TMEM59: variants seen among roughly 807,000 people sequenced by gnomAD.
The protein encoded by TMEM59 is transmembrane protein 59.
A neutral mutation model predicts 42.2 loss-of-function variants in TMEM59; 44 were observed. The observed-to-expected ratio is 1.04, with a 90% confidence interval of 0.82 to 1.34. TMEM59 has a LOEUF of 1.34. Among genes scored for constraint, TMEM59 ranks in the 40% most tolerant of loss-of-function variants. The pLI, the probability that TMEM59 is intolerant of heterozygous loss-of-function variation, is 0.00. For synonymous variants in TMEM59, 148 were observed against 145.8 expected (o/e 1.02, Z -0.11); for missense variants, 359 against 382.8 (o/e 0.94, Z 0.52).
chr1:54,041,758 T>G lies in TMEM59; in HGVS notation c.591A>C (p.Thr197=). 1 of 1,613,832 alleles carries G rather than the reference T, an allele frequency of 6.2e-7. No individual in the cohort carries two copies. The highest frequency in any genetic ancestry group is 1.1e-5 in the South Asian group (1 of 91,052). ...QYAPHLEQEP[T]NLRESSLSKM... ...TGCTTAGAGATGATTCTCTCAAATT[T>G]GTAGGCTCCTGCTCCAAATGTGGTG... Residue 197 remains threonine, a synonymous_variant, in exon 5 of 8, where the codon ACA becomes ACC. Coordinates refer to ENST00000234831, the MANE Select transcript of TMEM59 (RefSeq NM_004872.5).
chr1:54,030,738 A>ACC lies in TMEM59; in HGVS notation c.*1411_*1412insGG, dbSNP rs1656741446. On this transcript the variant is annotated 3_prime_UTR_variant, in exon 8 of 8. Coordinates refer to ENST00000234831, the MANE Select transcript of TMEM59 (RefSeq NM_004872.5). ...TCCAAATCTAGACAAACTAAAAATA[A>ACC]AAACCTACACTTTGTGACCAAAGTC... 6.6e-6 allele frequency: 1 copy of ACC among 152,192 alleles called. No individual in the cohort carries two copies. Among genetic ancestry groups the ACC allele is most frequent in the Non-Finnish European group, 1.5e-5 (1 of 68,028 alleles). 9.4% of individuals were successfully genotyped at this position (152,192 alleles called of 1,614,324 possible).
Position 54,031,282 on chromosome 1 carries a change from T to G in TMEM59, c.*868A>C, listed in dbSNP as rs1656759411. On this transcript the variant is annotated 3_prime_UTR_variant, in exon 8 of 8. Coordinates refer to ENST00000234831, the MANE Select transcript of TMEM59 (RefSeq NM_004872.5). ...ATTCTGGTGTATTATTATTATGACC[T>G]GATATCATTCTAATATTAAGCTCTG... is the stretch of plus-strand genomic sequence containing the variant. 6.6e-6 allele frequency: 1 copy of G among 152,214 alleles called. No homozygotes were observed. The highest frequency in any genetic ancestry group is 6.5e-5 in the Admixed American group (1 of 15,282). 9.4% of individuals were successfully genotyped at this position (152,214 alleles called of 1,614,324 possible).
chr1:54,047,007 T>C (rs1011471290), intron 2 of TMEM59, among the ~76,000 whole-genome samples: 6 of 152,210 alleles, frequency 3.9e-5, no homozygotes, highest in Non-Finnish European at 7.3e-5. Context: ...TATACTGCAT[T>C]TGTCTGACAG....
intron 1 of TMEM59, among the ~76,000 whole-genome samples, chr1:54,051,154 C>T (rs972313422): frequency 6.6e-6 from 1 of 152,148 alleles, no homozygotes; most frequent in African/African-American, 2.4e-5. Context: ...CGCACCCGGC[C>T]GAATATGTTT....
intron 1 of TMEM59, chr1:54,047,787 C>T (rs566712291): frequency 5.0e-6 from 1 of 201,360 alleles, no homozygotes; most frequent in Non-Finnish European, 9.9e-6. Flanking sequence ...ATAGCGAGAC[C>T]CCATCTGTAC....
chr1:54,028,936 G>C lies in TMEM59; in HGVS notation c.*3214C>G, dbSNP rs1048724506. On this transcript the variant is annotated 3_prime_UTR_variant, in exon 8 of 8. Transcript: ENST00000234831. ...CAGAACTGAGCAAAATTACTGCCTT[G>C]GTGTGGTGGTGACAGTAACTGGAAA... 1 of 152,046 alleles carries C rather than the reference G, an allele frequency of 6.6e-6. No homozygotes were observed. Among genetic ancestry groups the C allele is most frequent in the African/African-American group, 2.4e-5 (1 of 41,362 alleles). 9.4% of individuals were successfully genotyped at this position (152,046 alleles called of 1,614,324 possible). A position where few individuals can be genotyped will look rare whatever the true frequency, so the allele number is the denominator to read the frequency against.
Position 54,028,759 on chromosome 1 carries a change from A to AT in TMEM59, c.*3390dup, listed in dbSNP as rs1656678755. On this transcript the variant is annotated 3_prime_UTR_variant, in exon 8 of 8. Transcript: ENST00000234831. ...CCTCCTATGTGCTCTGTGCTTGGTC[A>AT]TAGCACTTATCACATTAATAATAGT... 1 of 152,206 alleles carries AT rather than the reference A, an allele frequency of 6.6e-6. No homozygotes were observed. The highest frequency in any genetic ancestry group is 1.5e-5 in the Non-Finnish European group (1 of 68,060). 9.4% of individuals were successfully genotyped at this position (152,206 alleles called of 1,614,324 possible). A position where few individuals can be genotyped will look rare whatever the true frequency, so the allele number is the denominator to read the frequency against.
Position 54,043,370 on chromosome 1 carries a change from C to A in TMEM59, c.543+3G>T. 1.3e-6 allele frequency: 2 copies of A among 1,533,850 alleles called. No homozygotes were observed. The highest frequency in any genetic ancestry group is 1.3e-5 in the South Asian group (1 of 76,856). Reference sequence around the variant, plus strand: ...AGATGAATCCATGAAGCTCAGTTGTCACCTGGAATATAACTATTTTTCCGT... The same window carrying A: ...AGATGAATCCATGAAGCTCAGTTGTAACCTGGAATATAACTATTTTTCCGT... On this transcript the variant is annotated splice_donor_region_variant and intron_variant, in intron 4 of 7. Coordinates refer to ENST00000234831, the MANE Select transcript of TMEM59 (RefSeq NM_004872.5).
At chr1:54,053,249 TCCTCCTGGGGCCAG>T, upstream of TMEM59, 13 of 1,581,970 alleles carry the variant, frequency 8.2e-6, no homozygotes, top group South Asian at 1.5e-4. Context: ...GGTTTCCTCC[TCCTCCTGGGGCCAG>T]CCCCCTTCTC....
At chr1:54,047,415 T>G (rs748563850) in intron 1 of TMEM59, 43 bp from the exon 2 acceptor site, 6 of 1,523,150 alleles carry the variant, frequency 3.9e-6, no homozygotes, top group Non-Finnish European at 4.5e-6. Flanking sequence ...AAAATAGTAT[T>G]TTTTTTTCCT....
At chr1:54,052,642 C>T (rs1657589237) in intron 1 of TMEM59, among the ~76,000 whole-genome samples, 1 of 152,190 alleles carries the variant, frequency 6.6e-6, no homozygotes, top group Admixed American at 6.5e-5. Flanking sequence ...TCCCTTTCTA[C>T]AATCCCCCCT....
At chr1:54,041,926 A>G (rs1239156075) in intron 4 of TMEM59, 121 bp from the exon 5 acceptor site, 2 of 681,758 alleles carry the variant, frequency 2.9e-6, no homozygotes, top group African/African-American at 3.7e-5. Flanking sequence ...GAAATACTGT[A>G]TAAAAAATAA....
At chr1:54,050,270 C>T (rs1291924150) in intron 1 of TMEM59, among the ~76,000 whole-genome samples, 2 of 151,838 alleles carry the variant, frequency 1.3e-5, no homozygotes, top group Non-Finnish European at 2.9e-5. Context: ...GGATCACAAG[C>T]GTGCGCCATG....
At chr1:54,040,663 G>T in intron 6 of TMEM59, 93 bp downstream of exon 6, 1 of 933,354 alleles carries the variant, frequency 1.1e-6, no homozygotes, top group South Asian at 1.6e-5. Flanking sequence ...GTTTACTTTT[G>T]AGGTGCTAAT....
intron 7 of TMEM59, chr1:54,033,760 A>G (rs1656849983): frequency 6.6e-6 from 1 of 152,106 alleles, no homozygotes; most frequent in African/African-American, 2.4e-5. Context: ...AGTACCCGAT[A>G]CTGGAAAGGT....
intron 6 of TMEM59, 80 bp downstream of exon 6, chr1:54,040,676 T>G: frequency 2.7e-6 from 3 of 1,096,960 alleles, no homozygotes; most frequent in Non-Finnish European, 4.0e-6. Flanking sequence ...GTGCTAATTT[T>G]AAAATAATAA....
chr1:54,052,849 AG>A, intron 1 of TMEM59, 150 bp downstream of exon 1: 1 of 828,254 alleles, frequency 1.2e-6, no homozygotes, highest in Non-Finnish European at 1.9e-6. Flanking sequence ...GGGTGCAGGC[AG>A]GATTAGGGAG....
intron 1 of TMEM59, chr1:54,047,844 T>C (rs955057679): frequency 5.9e-6 from 1 of 170,744 alleles, no homozygotes; most frequent in African/African-American, 2.4e-5. Context: ...TAGTGCACAC[T>C]TGTTGTCCTA....
intron 7 of TMEM59, among the ~76,000 whole-genome samples, chr1:54,035,549 T>C (rs1282905494): frequency 6.6e-6 from 1 of 152,166 alleles, no homozygotes; most frequent in Non-Finnish European, 1.5e-5. Context: ...AGTCACAATG[T>C]CTCCCATCTC....
Sources: gnomAD v4.1 joint callset for allele counts (sites outside exome capture counted in the v4.1 genomes callset) on GRCh38, gnomAD v4.1.1 for gene constraint, MANE v1.5 for transcripts, NCBI Gene and HGNC (gene_info 2026-07-23, HGNC 2026-07-21) for gene names.